C2CD5: variants seen among roughly 807,000 people sequenced by gnomAD.
The protein encoded by C2CD5 is C2 domain-containing protein 5.
In C2CD5, 109 loss-of-function variants were observed where a neutral mutation model predicts 130.3. The observed-to-expected ratio is 0.84, with a 90% CI of 0.72 to 0.98. C2CD5 has a LOEUF of 0.98. Ranked by LOEUF, C2CD5 falls within the 50% of genes least tolerant of loss-of-function variation. The probability of loss-of-function intolerance (pLI) is 0.00; values close to 1 mark genes in which losing one functional copy is unlikely to be tolerated. For synonymous variants in C2CD5, 454 were observed against 429.2 expected (o/e 1.06, Z -0.71); for missense variants, 996 against 1,261.8 (o/e 0.79, Z 3.19).
In C2CD5 at chr12:22,448,695, G is replaced by A. The variant is rs2135899523; in HGVS notation, c.*1065C>T. On this transcript the variant is annotated 3_prime_UTR_variant, in exon 27 of 27. Transcript: ENST00000446597. ...TCTTAAGGGCAGTTTGTTGTCCTGG[G>A]GGAAAAAATCATAAGTGTTATAAAG... 1 of 152,520 alleles carries A rather than the reference G, an allele frequency of 6.6e-6. No homozygotes were observed. Among genetic ancestry groups the A allele is most frequent in the East Asian group, 1.9e-4 (1 of 5,184 alleles). The allele number at this position is 152,520 out of a possible 1,614,324, so 9.4% of individuals were successfully genotyped here.
rs1437879032 is a variant in C2CD5, at chr12:22,509,119, C to T, written c.1039-2300G>A. ...GGTCTCGATCTCCTGACCTCATGAT[C>T]CACCCGCCTCGGCCTCCCAAAGTGC... is the stretch of plus-strand genomic sequence containing the variant. On this transcript the variant is annotated intron_variant, in intron 9 of 26. Coordinates refer to ENST00000446597, the MANE Select transcript of C2CD5 (RefSeq NM_001286176.2). Among the ~76,000 whole-genome samples, 8 of 151,742 alleles carry T rather than the reference C, an allele frequency of 5.3e-5. No individual in the cohort carries two copies. In the South Asian group the frequency reaches 8.3e-4, roughly 16 times the overall value.
intron 10 of C2CD5, among the ~76,000 whole-genome samples, chr12:22,501,207 A>C (rs1947740696): frequency 1.3e-5 from 2 of 152,146 alleles, no homozygotes; most frequent in South Asian, 2.1e-4. Context: ...TCTATAACTT[A>C]TATCTACCTT....
chr12:22,540,170 T>C (rs188084995), intron 2 of C2CD5, among the ~76,000 whole-genome samples: 75 of 152,332 alleles, frequency 4.9e-4, no homozygotes, highest in Non-Finnish European at 9.1e-4. Flanking sequence ...AGATAACCAA[T>C]GGCAATGAAG....
chr12:22,544,294 C>T, intron 1 of C2CD5, 26 bp downstream of exon 1: 1 of 601,186 alleles, frequency 1.7e-6, no homozygotes, highest in Non-Finnish European at 2.7e-6. Context: ...GGGCGCCCGG[C>T]AGTCGCGCCA....
rs1944186130 is a variant in C2CD5 at position 22,478,374 on chromosome 12, A to G, written c.1841T>C (p.Met614Thr). Residue 614 changes from methionine to threonine, a missense_variant, in exon 15 of 27, where the codon ATG becomes ACG. Physicochemically the swap from Met to Thr is moderately conservative, Grantham distance 81. This residue lies in a region of C2CD5 where 590 missense variants were observed against 631.4 expected (regional missense o/e 0.93). Coordinates refer to ENST00000446597, the MANE Select transcript of C2CD5 (RefSeq NM_001286176.2). The stretch of plus-strand genomic sequence containing the variant: ...AATTGTGTCATTTATCTTCTTCTGC[A>G]TATGAGAGATGTGTTGTTCATATGA... Reference protein sequence around the residue: ...DGSYEQHISHMQKKINDTIAK... With the variant: ...DGSYEQHISHTQKKINDTIAK... 6.2e-7 allele frequency: 1 copy of G among 1,613,252 alleles called. No individual in the cohort carries two copies. Among genetic ancestry groups the G allele is most frequent in the African/African-American group, 1.3e-5 (1 of 75,036 alleles).
At chr12:22,517,176 T>C (rs1949816369) in intron 8 of C2CD5, among the ~76,000 whole-genome samples, 1 of 151,822 alleles carries the variant, frequency 6.6e-6, no homozygotes, top group African/African-American at 2.4e-5. Flanking sequence ...AAATATTAAC[T>C]AAAAATAACA....
intron 12 of C2CD5, among the ~76,000 whole-genome samples, chr12:22,485,422 T>C (rs1452540557): frequency 6.6e-6 from 1 of 151,946 alleles, no homozygotes; most frequent in African/African-American, 2.4e-5. Flanking sequence ...AATTGATAAT[T>C]TAATTGTACA....
At position 22,542,870 on chromosome 12, in the gene C2CD5, G is replaced by T. The variant is rs142433040; in HGVS notation, c.90+1191C>A. Reference sequence around the variant, plus strand: ...TAAGAATTTAAAAGTACTTAGTACAGATCTGGCAATTATTAAATTCAACAC... The same window carrying T: ...TAAGAATTTAAAAGTACTTAGTACATATCTGGCAATTATTAAATTCAACAC... On this transcript the variant is annotated intron_variant, in intron 2 of 26. Coordinates refer to ENST00000446597, the MANE Select transcript of C2CD5 (RefSeq NM_001286176.2). Among the ~76,000 whole-genome samples, 34 of 152,336 alleles carry T rather than the reference G, an allele frequency of 2.2e-4. 2 individuals carry two copies. The East Asian group carries it at 6.6e-3, about 29-fold the overall frequency.
rs1951718981 is a variant in C2CD5 at position 22,535,333 on chromosome 12, A to G, written c.102T>C (p.Gly34=). 6 of 1,542,000 alleles carry G rather than the reference A, an allele frequency of 3.9e-6. No homozygotes were observed. The highest frequency in any genetic ancestry group is 5.4e-6 in the Non-Finnish European group (6 of 1,115,618). ...ACACATCTGTTTTAAAGGTGGTATT[A>G]CCAAATTTTACCTAAAAACAAATAA... ...LTDAFVEVKF[G]NTTFKTDVYL... is the part of the protein sequence containing the mutation. The change falls in exon 3 of 27, where the codon GGT becomes GGC. Residue 34 remains glycine, a synonymous_variant. Coordinates refer to ENST00000446597, the MANE Select transcript of C2CD5 (RefSeq NM_001286176.2).
Position 22,448,738 on chromosome 12 carries a change from G to A in C2CD5, c.*1022C>T, listed in dbSNP as rs1209873408. ...TTATAAAGAAATATTATTGTGCAAAGGAGGAATGTAATATTTAAGGTTCAT... is the reference window on the plus strand; with the variant it reads ...TTATAAAGAAATATTATTGTGCAAAAGAGGAATGTAATATTTAAGGTTCAT... On this transcript the variant is annotated 3_prime_UTR_variant, in exon 27 of 27. Transcript: ENST00000446597. 1 of 152,538 alleles carries A rather than the reference G, an allele frequency of 6.6e-6. No individual in the cohort carries two copies. The highest frequency in any genetic ancestry group is 1.5e-5 in the Non-Finnish European group (1 of 67,988). 9.4% of individuals were successfully genotyped at this position (152,538 alleles called of 1,614,324 possible).
chr12:22,535,755 T>G (rs1951762203), intron 2 of C2CD5, among the ~76,000 whole-genome samples: 1 of 152,140 alleles, frequency 6.6e-6, no homozygotes, highest in African/African-American at 2.4e-5. Flanking sequence ...CAAACTAAAA[T>G]ATTTTTACTT....
intron 13 of C2CD5, among the ~76,000 whole-genome samples, chr12:22,482,985 C>G (rs1306464106): frequency 1.3e-5 from 2 of 152,016 alleles, no homozygotes; most frequent in Admixed American, 6.6e-5. Context: ...GATAGCACAA[C>G]AGGGTATCTA....
At chr12:22,513,420 C>CT (rs1351553600) in intron 8 of C2CD5, 41 bp from the exon 9 acceptor site, 2 of 1,272,856 alleles carry the variant, frequency 1.6e-6, no homozygotes, top group Non-Finnish European at 2.3e-6. Context: ...AAAAAAGCAA[C>CT]TATAGAAACA....
chr12:22,474,704 AT>A (rs745382416), intron 16 of C2CD5, 46 bp downstream of exon 16: 22 of 1,453,292 alleles, frequency 1.5e-5, no homozygotes, highest in Non-Finnish European at 2.0e-5. Flanking sequence ...AAAAATGTGT[AT>A]CTTAGCTTCC....
intron 7 of C2CD5, chr12:22,519,095 G>A: frequency 6.5e-7 from 1 of 1,530,470 alleles, no homozygotes; most frequent in South Asian, 1.2e-5. Context: ...CCCAGCTCTG[G>A]AGTCTGAGCA....
At chr12:22,454,566 T>C (rs574916063) in intron 25 of C2CD5, among the ~76,000 whole-genome samples, 3 of 103,244 alleles carry the variant, frequency 2.9e-5, no homozygotes, top group African/African-American at 1.1e-4. Context: ...CTGCAGACTT[T>C]TCATTTTTTT....
At chr12:22,516,197 T>G (rs915115390) in intron 8 of C2CD5, among the ~76,000 whole-genome samples, 4 of 151,908 alleles carry the variant, frequency 2.6e-5, no homozygotes, top group Non-Finnish European at 5.9e-5. Flanking sequence ...CAGAAAATCA[T>G]GAAATACAGG....
intron 17 of C2CD5, 177 bp downstream of exon 17, chr12:22,472,567 A>C: frequency 1.6e-6 from 1 of 638,902 alleles, no homozygotes; most frequent in Admixed American, 3.1e-5. Context: ...CTTCCACCTA[A>C]GTTCTAACAT....
At chr12:22,513,468 T>G (rs1327026455) in intron 8 of C2CD5, 89 bp from the exon 9 acceptor site, 4 of 814,724 alleles carry the variant, frequency 4.9e-6, no homozygotes, top group Non-Finnish European at 8.7e-6. Context: ...CATCATGAGT[T>G]GAAATGTGAT....
Sources: gnomAD v4.1 joint callset for allele counts (sites outside exome capture counted in the v4.1 genomes callset) on GRCh38, gnomAD v4.1.1 for gene constraint, gnomAD v4.1.1 regional missense constraint, MANE v1.5 for transcripts, NCBI Gene and HGNC (gene_info 2026-07-23, HGNC 2026-07-21) for gene names.